Variants in MYO1B observed in about 807,000 individuals in gnomAD.
MYO1B encodes myosin IB.
In MYO1B, 72 loss-of-function variants were observed where a neutral mutation model predicts 159.7. The ratio of observed to expected loss-of-function variants is 0.45; its 90% CI spans 0.37 to 0.55. MYO1B has a LOEUF of 0.55. MYO1B is among the 20% of genes least tolerant of loss of function. The probability of loss-of-function intolerance (pLI) is 0.00; values close to 1 mark genes in which losing one functional copy is unlikely to be tolerated. For synonymous variants in MYO1B, 468 were observed against 473.8 expected (o/e 0.99, Z 0.16); for missense variants, 1,062 against 1,364.8 (o/e 0.78, Z 3.50).
intron 28 of MYO1B, 152 bp from the exon 29 acceptor site, chr2:191,414,365 A>T (rs1173966318): frequency 9.7e-7 from 1 of 1,026,844 alleles, no homozygotes; most frequent in Non-Finnish European, 1.4e-6. Context: ...ATGAAATAAA[A>T]CATATTATTT....
chr2:191,280,576 G>A (rs1687999027), intron 2 of MYO1B, among the ~76,000 whole-genome samples: 1 of 152,156 alleles, frequency 6.6e-6, no homozygotes, highest in Non-Finnish European at 1.5e-5. Context: ...CCTTGGTTAG[G>A]CTGCCGGAGT....
At position 191,370,247 on chromosome 2, in the gene MYO1B, G is replaced by C; in HGVS notation, c.1140G>C (p.Lys380Asn). 1 of 1,612,798 alleles carries C rather than the reference G, an allele frequency of 6.2e-7. No homozygotes were observed. The highest frequency in any genetic ancestry group is 8.5e-7 in the Non-Finnish European group (1 of 1,179,516). ...TAAAGGCACAAACAAAAGTGAGAAA[G>C]AAGGTCATGGGTGTTCTGGACATTT... ...ESIKAQTKVR[K>N]KVMGVLDIYG... is the part of the protein sequence containing the mutation. Residue 380 changes from lysine (K) to asparagine (N), a missense_variant, in exon 13 of 31, where the codon AAG becomes AAC. Lys to Asn is a moderately conservative substitution (Grantham distance 94, BLOSUM62 0). Around this residue, in one of 5 missense-constraint regions of MYO1B, gnomAD observed 415 missense variants for 544.0 expected, o/e 0.76. Transcript: ENST00000392318.
intron 2 of MYO1B, among the ~76,000 whole-genome samples, chr2:191,287,162 A>ATGTTTTGAC (rs1688422735): frequency 6.6e-6 from 1 of 152,080 alleles, no homozygotes; most frequent in Non-Finnish European, 1.5e-5. Context: ...GCTGTGTTTG[A>ATGTTTTGAC]TGTTTTGACA....
At chr2:191,413,242 T>A (rs1697359000) in intron 27 of MYO1B, among the ~76,000 whole-genome samples, 1 of 152,226 alleles carries the variant, frequency 6.6e-6, no homozygotes, top group African/African-American at 2.4e-5. Flanking sequence ...ACACCTAACC[T>A]ACTGAACACA....
chr2:191,277,132 T>C, intron 2 of MYO1B, 102 bp downstream of exon 2: 1 of 1,405,086 alleles, frequency 7.1e-7, no homozygotes, highest in Non-Finnish European at 9.6e-7. Flanking sequence ...TCTCTCTGTT[T>C]GAGTCCAGCA....
At chr2:191,285,276 A>T (rs1324118761) in intron 2 of MYO1B, among the ~76,000 whole-genome samples, 12 of 152,182 alleles carry the variant, frequency 7.9e-5, no homozygotes, top group Non-Finnish European at 1.8e-4. Flanking sequence ...GCCTGAGGTG[A>T]TATTTTTAGC....
chr2:191,265,818 A>G (rs1687104461), intron 1 of MYO1B, among the ~76,000 whole-genome samples: 1 of 152,194 alleles, frequency 6.6e-6, no homozygotes, highest in Non-Finnish European at 1.5e-5. Context: ...CTCGTCCCTC[A>G]GGAATTTGTA....
chr2:191,269,248 G>A (rs1016157884), intron 1 of MYO1B, among the ~76,000 whole-genome samples: 1 of 152,250 alleles, frequency 6.6e-6, no homozygotes, highest in Non-Finnish European at 1.5e-5. Context: ...AAGTGGGATC[G>A]TATATTTCTA....
At chr2:191,330,886 CTGGTTAGTTGT>C (rs1386398863) in intron 4 of MYO1B, among the ~76,000 whole-genome samples, 2 of 152,132 alleles carry the variant, frequency 1.3e-5, no homozygotes, top group East Asian at 3.9e-4. Context: ...TTCTACATGG[CTGGTTAGTTGT>C]AACATTTACA....
chr2:191,283,556 T>C (rs910405899), intron 2 of MYO1B, among the ~76,000 whole-genome samples: 1 of 152,240 alleles, frequency 6.6e-6, no homozygotes, highest in African/African-American at 2.4e-5. Context: ...TTTACATGTA[T>C]TATTCATTTA....
Position 191,424,062 on chromosome 2 carries a change from C to A in MYO1B, c.*102C>A, listed in dbSNP as rs1698107988. Reference sequence around the variant, plus strand: ...TTGTATGTTTGGGAATCACCAAAGGCTTTTAGAGTTCTTTGGCAAAATAAA... The same window carrying A: ...TTGTATGTTTGGGAATCACCAAAGGATTTTAGAGTTCTTTGGCAAAATAAA... On this transcript the variant is annotated 3_prime_UTR_variant, in exon 31 of 31. Transcript: ENST00000392318. 7.6e-7 allele frequency: 1 copy of A among 1,318,616 alleles called. No individual in the cohort carries two copies. The highest frequency in any genetic ancestry group is 1.0e-6 in the Non-Finnish European group (1 of 964,970). The allele number at this position is 1,318,616 out of a possible 1,614,324, so 81.7% of individuals were successfully genotyped here.
chr2:191,270,106 G>T (rs1687369194), intron 1 of MYO1B, among the ~76,000 whole-genome samples: 1 of 152,060 alleles, frequency 6.6e-6, no homozygotes, highest in Non-Finnish European at 1.5e-5. Context: ...AAAGTGGTGG[G>T]GGCATTATGG....
chr2:191,251,545 C>T (rs536668240), intron 1 of MYO1B, among the ~76,000 whole-genome samples: 2 of 152,310 alleles, frequency 1.3e-5, no homozygotes, highest in East Asian at 1.9e-4. Flanking sequence ...TCTCTGCCTT[C>T]CGGGGACTTT....
intron 7 of MYO1B, among the ~76,000 whole-genome samples, chr2:191,353,409 G>A (rs1024921397): frequency 2.0e-5 from 3 of 152,140 alleles, no homozygotes; most frequent in Non-Finnish European, 2.9e-5. Flanking sequence ...GGTACAAGTC[G>A]CAAGGGATTC....
At position 191,419,044 on chromosome 2, in the gene MYO1B, G is replaced by C. The variant is rs546733975; in HGVS notation, c.3287+2802G>C. 2.0e-5 allele frequency among the ~76,000 whole-genome samples: 3 copies of C among 152,320 alleles called. No individual in the cohort carries two copies. In the South Asian group the frequency reaches 6.2e-4, roughly 32 times the overall value. ...CTGAAAAATTCTTCTGTCTATTGAT[G>C]TCACAGGTGTTGTAATGTTATAGTG... On this transcript the variant is annotated intron_variant, in intron 30 of 30. Transcript: ENST00000392318.
At chr2:191,380,247 A>C (rs1694959447) in intron 13 of MYO1B, among the ~76,000 whole-genome samples, 1 of 152,294 alleles carries the variant, frequency 6.6e-6, no homozygotes, top group Non-Finnish European at 1.5e-5. Flanking sequence ...ACCAAAGTTG[A>C]TTTTTAAAGA....
At chr2:191,384,027 G>A (rs1241813599) in intron 15 of MYO1B, among the ~76,000 whole-genome samples, 1 of 152,186 alleles carries the variant, frequency 6.6e-6, no homozygotes, top group African/African-American at 2.4e-5. Flanking sequence ...ACTGCAGGTG[G>A]CCAGGGACCT....
chr2:191,307,546 A>G (rs897077418), intron 3 of MYO1B, among the ~76,000 whole-genome samples: 1 of 152,206 alleles, frequency 6.6e-6, no homozygotes, highest in East Asian at 1.9e-4. Context: ...GCCTTATTTT[A>G]TCGCGCCCCT....
At chr2:191,352,442 T>C (rs973609496) in intron 7 of MYO1B, among the ~76,000 whole-genome samples, 5 of 152,316 alleles carry the variant, frequency 3.3e-5, no homozygotes, top group African/African-American at 1.2e-4. Flanking sequence ...GGAAAATAAT[T>C]CAGGATGATT....
Sources: allele counts gnomAD v4.1 joint callset (sites outside exome capture counted in the v4.1 genomes callset), GRCh38; gene constraint gnomAD v4.1.1; regional missense constraint gnomAD v4.1.1; transcripts MANE v1.5; gene names NCBI Gene and HGNC (gene_info 2026-07-23, HGNC 2026-07-21).